Variants in CACNA1E observed in about 807,000 individuals in gnomAD.
CACNA1E encodes voltage-dependent R-type calcium channel subunit alpha-1E.
CACNA1E carries 40 observed loss-of-function variants against 259.2 expected under a neutral mutation model. The ratio of observed to expected loss-of-function variants is 0.15; its 90% CI spans 0.12 to 0.20. The LOEUF is 0.20. CACNA1E is among the 10% of genes least tolerant of loss of function. The pLI is 1.00. For synonymous variants in CACNA1E, 1,104 were observed against 1,138.5 expected (o/e 0.97, Z 0.61); for missense variants, 1,874 against 3,040.1 (o/e 0.62, Z 9.02).
rs146513215 is a variant in CACNA1E, at chr1:181,718,338, G to C, written c.1638+171G>C. 6.4e-3 allele frequency among the ~76,000 whole-genome samples: 981 copies of C among 152,224 alleles called. 14 individuals are homozygous for C. The highest frequency in any genetic ancestry group is 0.023 in the African/African-American group (942 of 41,534). On this transcript the variant is annotated intron_variant, in intron 12 of 47. Transcript: ENST00000367573. ...GAAGCGAGTGAATCCTTCCCATGCA[G>C]GGTTTGTTTGTTTTTCTGAGCTCTT... is the stretch of plus-strand genomic sequence containing the variant.
At chr1:181,682,011 C>A (rs567410326) in intron 7 of CACNA1E, among the ~76,000 whole-genome samples, 2 of 152,298 alleles carry the variant, frequency 1.3e-5, no homozygotes, top group Admixed American at 1.3e-4. Context: ...GAGGTCCTTA[C>A]CCTGGCAATG....
intron 1 of CACNA1E, among the ~76,000 whole-genome samples, chr1:181,401,384 T>C (rs959760142): frequency 1.3e-5 from 2 of 152,200 alleles, no homozygotes; most frequent in Non-Finnish European, 2.9e-5. Flanking sequence ...TATTTGTTTT[T>C]TCCACTTGAG....
At chr1:181,647,653 C>G (rs1477861520) in intron 6 of CACNA1E, among the ~76,000 whole-genome samples, 1 of 152,216 alleles carries the variant, frequency 6.6e-6, no homozygotes, top group African/African-American at 2.4e-5. Flanking sequence ...GTCATTGTCT[C>G]TCCTACACTG....
intron 3 of CACNA1E, among the ~76,000 whole-genome samples, chr1:181,516,343 CCACACACACACACACACA>C (rs3080529): frequency 1.4e-5 from 2 of 143,332 alleles, no homozygotes; most frequent in Admixed American, 6.9e-5. Context: ...GTGCCAAAGA[CCACACACACACACACACA>C]CACACACACA....
intron 7 of CACNA1E, among the ~76,000 whole-genome samples, chr1:181,678,011 A>C (rs765379849): frequency 6.6e-6 from 1 of 152,220 alleles, no homozygotes; most frequent in Admixed American, 6.5e-5. Context: ...TGGGTGCTGG[A>C]TGGAGGGGGC....
chr1:181,540,847 G>A (rs550917019), intron 3 of CACNA1E, among the ~76,000 whole-genome samples: 1 of 152,102 alleles, frequency 6.6e-6, no homozygotes, highest in Non-Finnish European at 1.5e-5. Flanking sequence ...CCTTATAAAG[G>A]CTCCTGTGTC....
intron 1 of CACNA1E, among the ~76,000 whole-genome samples, chr1:181,498,760 A>G (rs766440699): frequency 6.6e-5 from 10 of 152,214 alleles, no homozygotes; most frequent in Non-Finnish European, 1.2e-4. Flanking sequence ...CAGGGCCGCG[A>G]CCAAGTGCCA....
chr1:181,700,524 A>G (rs1652142457), intron 7 of CACNA1E, among the ~76,000 whole-genome samples: 2 of 152,244 alleles, frequency 1.3e-5, no homozygotes, highest in African/African-American at 4.8e-5. Flanking sequence ...CTGCCCTTGC[A>G]GAGCTTACAG....
chr1:181,788,353 G>A (rs1661018544), intron 43 of CACNA1E, among the ~76,000 whole-genome samples: 1 of 152,210 alleles, frequency 6.6e-6, no homozygotes, highest in Non-Finnish European at 1.5e-5. Flanking sequence ...TTGTTCAGTA[G>A]AGGTTGATCT....
At chr1:181,539,825 G>A (rs1413516940) in intron 3 of CACNA1E, among the ~76,000 whole-genome samples, 1 of 152,214 alleles carries the variant, frequency 6.6e-6, no homozygotes, top group Non-Finnish European at 1.5e-5. Context: ...TAGACCCAGA[G>A]TTTAGTCTTT....
intron 3 of CACNA1E, among the ~76,000 whole-genome samples, chr1:181,561,057 C>T (rs970882046): frequency 6.6e-6 from 1 of 152,082 alleles, no homozygotes; most frequent in Non-Finnish European, 1.5e-5. Flanking sequence ...AGGCAGAAAG[C>T]AGAAGATGGT....
intron 1 of CACNA1E, among the ~76,000 whole-genome samples, chr1:181,383,000 G>C (rs1001503040): frequency 1.3e-5 from 2 of 152,192 alleles, no homozygotes; most frequent in African/African-American, 2.4e-5. Context: ...ACAAGGCCAG[G>C]ACAGCTGCCT....
At chr1:181,484,792 A>AGGTG (rs1218898680) in intron 1 of CACNA1E, among the ~76,000 whole-genome samples, 1 of 152,190 alleles carries the variant, frequency 6.6e-6, no homozygotes, top group Non-Finnish European at 1.5e-5. Context: ...TCCAGGATCC[A>AGGTG]GGTGGATCGG....
intron 2 of CACNA1E, among the ~76,000 whole-genome samples, chr1:181,423,662 A>ATTTTTTTTTTTTTTTTTTTTTTTTTTT (rs11302089): frequency 5.3e-5 from 7 of 131,058 alleles, no homozygotes; most frequent in African/African-American, 1.2e-4. Context: ...CATTGGGCCA[A>ATTTTTTTTTTTTTTTTTTTTTTTTTTT]TTTTTTTTTT....
rs116221596 is a variant in CACNA1E at position 181,697,929 on chromosome 1, T to C, written c.1056-13025T>C. Among the ~76,000 whole-genome samples, 1,437 of 152,328 alleles carry C rather than the reference T, an allele frequency of 9.4e-3. 17 individuals carry two copies. Among genetic ancestry groups the C allele is most frequent in the African/African-American group, 0.032 (1,347 of 41,568 alleles). On this transcript the variant is annotated intron_variant, in intron 7 of 47. Coordinates refer to ENST00000367573, the MANE Select transcript of CACNA1E (RefSeq NM_001205293.3). ...TGCTAAGGCAAGGGACTTAGGAGTA[T>C]TTAGAAGTCTATGCTGGGGTGGGGG...
chr1:181,504,838 A>G (rs1665570507), intron 1 of CACNA1E, among the ~76,000 whole-genome samples: 1 of 152,220 alleles, frequency 6.6e-6, no homozygotes, highest in Non-Finnish European at 1.5e-5. Context: ...ACCTATTTTT[A>G]TCATTTCCCT....
intron 1 of CACNA1E, among the ~76,000 whole-genome samples, chr1:181,381,167 CA>C (rs58534581): frequency 0.041 from 4,761 of 115,192 alleles, 75 homozygotes; most frequent in African/African-American, 0.053. Flanking sequence ...GACTCCATCT[CA>C]AAAAAAAAAA....
chr1:181,401,476 G>A (rs1657098254), intron 1 of CACNA1E, among the ~76,000 whole-genome samples: 1 of 152,094 alleles, frequency 6.6e-6, no homozygotes, highest in African/African-American at 2.4e-5. Flanking sequence ...GCAAGTAATA[G>A]GTGCTTATTG....
At chr1:181,729,350 T>C (rs1263555042) in intron 18 of CACNA1E, among the ~76,000 whole-genome samples, 1 of 152,112 alleles carries the variant, frequency 6.6e-6, no homozygotes, top group Non-Finnish European at 1.5e-5. Context: ...GTGTGTGTGC[T>C]CTGCTCAGTT....
Sources: allele counts gnomAD v4.1 joint callset (sites outside exome capture counted in the v4.1 genomes callset), GRCh38; gene constraint gnomAD v4.1.1; transcripts MANE v1.5; gene names NCBI Gene and HGNC (gene_info 2026-07-23, HGNC 2026-07-21).